Variants in PIEZO2 observed in about 807,000 individuals in gnomAD.
PIEZO2 encodes the protein piezo type mechanosensitive ion channel component 2, also known as piezo-type mechanosensitive ion channel component 2.
PIEZO2 carries 172 observed loss-of-function variants against 337.3 expected under a neutral mutation model. The ratio of observed to expected loss-of-function variants is 0.51; its 90% CI spans 0.45 to 0.58. The LOEUF (loss-of-function observed/expected upper bound fraction) is 0.58. Among genes scored for constraint, PIEZO2 ranks in the 20% least tolerant of loss-of-function variants. The pLI is 0.00. For synonymous variants in PIEZO2, 1,251 were observed against 1,228.5 expected, an observed-to-expected ratio of 1.02 and a Z score of -0.38; for missense variants, 3,028 against 3,391.3, an observed-to-expected ratio of 0.89 and a Z score of 2.66.
At chr18:10,974,738 T>C (rs1197383729) in intron 3 of PIEZO2, among the ~76,000 whole-genome samples, 1 of 152,214 alleles carries the variant, frequency 6.6e-6, no homozygotes, top group Non-Finnish European at 1.5e-5. Context: ...CAGCACTATC[T>C]GCAGGTTGGG....
In PIEZO2 at chr18:10,773,346, A is replaced by G; in HGVS notation, c.2785+66T>C. The stretch of plus-strand genomic sequence containing the variant: ...AATATATATTCTTTTGGAGCAAGTC[A>G]ATGTTTCCTTCACTCAGTCTGACAG... On this transcript the variant is annotated intron_variant, in intron 20 of 55. Coordinates refer to ENST00000674853, the MANE Select transcript of PIEZO2 (RefSeq NM_001378183.1). This position sits in a 1 kb window ranked among gnomAD's most constrained non-coding sequence, Gnocchi z 5.3. 6.9e-7 allele frequency: 1 copy of G among 1,446,552 alleles called. No homozygotes were observed. The highest frequency in any genetic ancestry group is 9.4e-7 in the Non-Finnish European group (1 of 1,065,336). 89.6% of individuals were successfully genotyped at this position (1,446,552 alleles called of 1,614,324 possible).
intron 33 of PIEZO2, 28 bp downstream of exon 33, chr18:10,741,003 A>G (rs1167168951): frequency 2.0e-6 from 3 of 1,477,990 alleles, no homozygotes; most frequent in Non-Finnish European, 2.7e-6. Flanking sequence ...AGAGTCGATG[A>G]GGTTGTAAGG....
rs556473463 is a variant in PIEZO2 at position 11,031,942 on chromosome 18, C to T, written c.160+34185G>A. 2.6e-5 allele frequency among the ~76,000 whole-genome samples: 4 copies of T among 152,260 alleles called. No homozygotes were observed. The South Asian group carries it at 8.3e-4, about 32-fold the overall frequency. Reference sequence around the variant, plus strand: ...CATTTCCAAGATACGAGACAAAACTCGTTCTCTCTCTGTCTTTCTCTGTTT... The same window carrying T: ...CATTTCCAAGATACGAGACAAAACTTGTTCTCTCTCTGTCTTTCTCTGTTT... On this transcript the variant is annotated intron_variant, in intron 2 of 55. Coordinates refer to ENST00000674853, the MANE Select transcript of PIEZO2 (RefSeq NM_001378183.1). The surrounding 1 kb of genome is among the most constrained non-coding windows in gnomAD (Gnocchi z 4.7).
rs561164751 is a variant in PIEZO2, at chr18:10,736,831, T to C, written c.4709-121A>G. 1.4e-5 allele frequency: 16 copies of C among 1,140,092 alleles called. No individual in the cohort carries two copies. The East Asian group carries it at 2.1e-4, about 15-fold the overall frequency. The allele number at this position is 1,140,092 out of a possible 1,614,324, so 70.6% of individuals were successfully genotyped here. A position where few individuals can be genotyped will look rare whatever the true frequency, so the allele number is the denominator to read the frequency against. ...CATAAGAGAACCACAACGAAAGATG[T>C]TGGCAGAGAGGAAAACACACAAGAT... On this transcript the variant is annotated intron_variant, in intron 33 of 55. Coordinates refer to ENST00000674853, the MANE Select transcript of PIEZO2 (RefSeq NM_001378183.1).
chr18:11,050,607 C>T (rs77755009), intron 2 of PIEZO2, among the ~76,000 whole-genome samples: 7,005 of 151,894 alleles, frequency 0.046, 197 homozygotes, highest in East Asian at 0.1. Context: ...GAACCCTTGT[C>T]CAGAGCAGAG....
chr18:11,033,270 G>A lies in PIEZO2; in HGVS notation c.160+32857C>T, dbSNP rs1598858053. On this transcript the variant is annotated intron_variant, in intron 2 of 55. Coordinates refer to ENST00000674853, the MANE Select transcript of PIEZO2 (RefSeq NM_001378183.1). This position sits in a 1 kb window ranked among gnomAD's most constrained non-coding sequence, Gnocchi z 4.2. ...AGCCCTAAGGCTGGCCTATGGAGAA[G>A]GCAGGATCTGACTCTAACATCATTC... Among the ~76,000 whole-genome samples the A allele has an allele frequency of 6.6e-6, 1 of 152,312 alleles. No individual in the cohort carries two copies. The highest frequency in any genetic ancestry group is 1.9e-4 in the East Asian group (1 of 5,184).
chr18:10,803,445 A>C (rs1406359423), intron 9 of PIEZO2, among the ~76,000 whole-genome samples: 1 of 152,178 alleles, frequency 6.6e-6, no homozygotes, highest in Non-Finnish European at 1.5e-5. Flanking sequence ...CAAAGTGATG[A>C]GCTCACTTCA....
rs944801258 is a variant in PIEZO2, at chr18:11,062,321, G to A, written c.160+3806C>T. Among the ~76,000 whole-genome samples, 17 of 152,152 alleles carry A rather than the reference G, an allele frequency of 1.1e-4. 1 individual carries two copies. Among genetic ancestry groups the A allele is most frequent in the Admixed American group, 5.9e-4 (9 of 15,272 alleles). On this transcript the variant is annotated intron_variant, in intron 2 of 55. Transcript: ENST00000674853. ...CATAAAAACTCTAGAAGAAAACCTAGGCAATACCATTCAGGACATAGGCAT... is the reference window on the plus strand; with the variant it reads ...CATAAAAACTCTAGAAGAAAACCTAAGCAATACCATTCAGGACATAGGCAT...
At chr18:11,122,017 T>G (rs1434021454) in intron 1 of PIEZO2, among the ~76,000 whole-genome samples, 1 of 152,066 alleles carries the variant, frequency 6.6e-6, no homozygotes, top group Non-Finnish European at 1.5e-5. Context: ...GCAGTGGCGC[T>G]ATCTCGGCTC....
chr18:11,031,434 A>T lies in PIEZO2; in HGVS notation c.160+34693T>A, dbSNP rs1245259135. Among the ~76,000 whole-genome samples the T allele has an allele frequency of 6.6e-6, 1 of 152,184 alleles. No individual in the cohort carries two copies. The highest frequency in any genetic ancestry group is 1.5e-5 in the Non-Finnish European group (1 of 68,042). On this transcript the variant is annotated intron_variant, in intron 2 of 55. Coordinates refer to ENST00000674853, the MANE Select transcript of PIEZO2 (RefSeq NM_001378183.1). This position sits in a 1 kb window ranked among gnomAD's most constrained non-coding sequence, Gnocchi z 4.7. ...TCTTACATTTTATACCAGAAAAAAA[A>T]ATTAGTGAACACTACTAGAGTGTTT...
chr18:10,844,210 G>A (rs1228770636), intron 7 of PIEZO2, among the ~76,000 whole-genome samples: 1 of 151,672 alleles, frequency 6.6e-6, no homozygotes, highest in African/African-American at 2.4e-5. Context: ...TTTGAGGCCA[G>A]GAGTTCGAGA....
intron 4 of PIEZO2, among the ~76,000 whole-genome samples, chr18:10,910,349 G>A (rs769313320): frequency 1.1e-4 from 16 of 152,178 alleles, no homozygotes; most frequent in Admixed American, 7.2e-4. Context: ...CTGGGAGGCC[G>A]AGCTGGGCGG....
In PIEZO2 at chr18:11,110,690, G is replaced by A. The variant is rs1386876489; in HGVS notation, c.64+37835C>T. Among the ~76,000 whole-genome samples, 9 of 152,146 alleles carry A rather than the reference G, an allele frequency of 5.9e-5. No homozygotes were observed. The highest frequency in any genetic ancestry group is 1.4e-4 in the African/African-American group (6 of 41,438). On this transcript the variant is annotated intron_variant, in intron 1 of 55. Transcript: ENST00000674853. This position sits in a 1 kb window ranked among gnomAD's most constrained non-coding sequence, Gnocchi z 4.2. Reference sequence around the variant, plus strand: ...GATGCGATGCCTCGTCATCCTTTCCGCCCCTCCCCGCCCCGGCCCGCCCGC... The same window carrying A: ...GATGCGATGCCTCGTCATCCTTTCCACCCCTCCCCGCCCCGGCCCGCCCGC...
At chr18:10,907,942 C>T (rs1474794474) in intron 4 of PIEZO2, among the ~76,000 whole-genome samples, 1 of 152,182 alleles carries the variant, frequency 6.6e-6, no homozygotes, top group Non-Finnish European at 1.5e-5. Context: ...AGAAGATACA[C>T]AAACCTACAT....
rs539310463 is a variant in PIEZO2, at chr18:10,980,961, C to A, written c.161-1301G>T. Among the ~76,000 whole-genome samples the A allele has an allele frequency of 6.6e-6, 1 of 152,082 alleles. No individual in the cohort carries two copies. The highest frequency in any genetic ancestry group is 2.4e-5 in the African/African-American group (1 of 41,408). ...TCCACTAGAAGGCCAGAAAACTAGT[C>A]GGAGGTGTGTGTGTAAGTGAGAGAG... On this transcript the variant is annotated intron_variant, in intron 2 of 55. Transcript: ENST00000674853. The surrounding 1 kb of genome is among the most constrained non-coding windows in gnomAD (Gnocchi z 4.8).
rs2040277284 is a variant in PIEZO2, at chr18:10,813,985, T to G, written c.918-6711A>C. ...GGACACCATATATTTTTTTTTTTTT[T>G]GAGATGGAGTTTTGCTCTGTGGCCC... is the stretch of plus-strand genomic sequence containing the variant. On this transcript the variant is annotated intron_variant, in intron 7 of 55. Transcript: ENST00000674853. This position sits in a 1 kb window ranked among gnomAD's most constrained non-coding sequence, Gnocchi z 4.2. Among the ~76,000 whole-genome samples, 1 of 151,006 alleles carries G rather than the reference T, an allele frequency of 6.6e-6. No individual in the cohort carries two copies. Among genetic ancestry groups the G allele is most frequent in the African/African-American group, 2.4e-5 (1 of 41,172 alleles).
At chr18:10,907,429 G>C (rs2030047050) in intron 4 of PIEZO2, among the ~76,000 whole-genome samples, 1 of 147,720 alleles carries the variant, frequency 6.8e-6, no homozygotes, top group East Asian at 2.0e-4. Context: ...GGCAACAAGA[G>C]CAAGACTCTG....
intron 30 of PIEZO2, among the ~76,000 whole-genome samples, chr18:10,747,903 C>A (rs1251427782): frequency 6.6e-6 from 1 of 152,138 alleles, no homozygotes; most frequent in African/African-American, 2.4e-5. Context: ...CTGAGAGGAA[C>A]ATACACAGCA....
intron 1 of PIEZO2, among the ~76,000 whole-genome samples, chr18:11,147,031 A>T (rs2040828157): frequency 6.6e-6 from 1 of 152,200 alleles, no homozygotes; most frequent in Admixed American, 6.5e-5. Flanking sequence ...CACAAATAGT[A>T]AATGTGCCAG....
Sources: gnomAD v4.1 joint callset for allele counts (sites outside exome capture counted in the v4.1 genomes callset) on GRCh38, gnomAD v4.1.1 for gene constraint, Gnocchi (gnomAD v3.1) non-coding constraint, MANE v1.5 for transcripts, NCBI Gene and HGNC (gene_info 2026-07-23, HGNC 2026-07-21) for gene names.